ACACA: variants seen among roughly 807,000 people sequenced by gnomAD.
ACACA encodes the protein acetyl-CoA carboxylase 1.
In ACACA, 103 loss-of-function variants were observed where a neutral mutation model predicts 296.1. The ratio of observed to expected loss-of-function variants is 0.35; its 90% CI spans 0.30 to 0.41. The LOEUF (loss-of-function observed/expected upper bound fraction) is 0.41, where lower values mean the gene tolerates loss of function less well. ACACA is among the 10% of genes least tolerant of loss of function. The pLI, the probability that ACACA is intolerant of heterozygous loss-of-function variation, is 1.00. For synonymous variants in ACACA, 953 were observed against 1,038.6 expected (o/e 0.92, Z 1.58); for missense variants, 1,554 against 2,989.7 (o/e 0.52, Z 11.20).
At chr17:37,169,013 A>G (rs986368922) in intron 41 of ACACA, among the ~76,000 whole-genome samples, 1 of 152,216 alleles carries the variant, frequency 6.6e-6, no homozygotes, top group African/African-American at 2.4e-5. Flanking sequence ...CATCTTGAAG[A>G]GGGCTAAAGA....
chr17:37,271,732 G>C (rs1171379562), intron 9 of ACACA, among the ~76,000 whole-genome samples: 1 of 152,026 alleles, frequency 6.6e-6, no homozygotes, highest in Non-Finnish European at 1.5e-5. Context: ...CACTTTGAGA[G>C]GCTGAGGCAG....
At chr17:37,233,145 G>A (rs1272751273) in intron 25 of ACACA, among the ~76,000 whole-genome samples, 2 of 152,174 alleles carry the variant, frequency 1.3e-5, no homozygotes, top group African/African-American at 4.8e-5. Flanking sequence ...AGGGCCCAAC[G>A]CCTCTGCAGC....
chr17:37,177,326 T>C (rs2077157644), intron 41 of ACACA, among the ~76,000 whole-genome samples: 1 of 151,670 alleles, frequency 6.6e-6, no homozygotes, highest in East Asian at 1.9e-4. Context: ...GAGGCCCGTA[T>C]AATAAGACTA....
intron 24 of ACACA, among the ~76,000 whole-genome samples, chr17:37,235,436 A>G (rs533327447): frequency 1.3e-5 from 2 of 152,194 alleles, no homozygotes; most frequent in South Asian, 4.1e-4. Flanking sequence ...AGACTGAAAG[A>G]TTGGGAATAA....
chr17:37,251,757 C>T (rs1211974231), intron 16 of ACACA, among the ~76,000 whole-genome samples: 1 of 152,140 alleles, frequency 6.6e-6, no homozygotes, highest in Non-Finnish European at 1.5e-5. Flanking sequence ...CAGATGGATT[C>T]CAGTTTTTAA....
chr17:37,298,475 A>G (rs1598430549), intron 3 of ACACA, among the ~76,000 whole-genome samples: 1 of 152,066 alleles, frequency 6.6e-6, no homozygotes, highest in Non-Finnish European at 1.5e-5. Context: ...TGAGTATAGG[A>G]GTTTGAGACT....
intron 1 of ACACA, among the ~76,000 whole-genome samples, chr17:37,342,243 A>G (rs1476098918): frequency 2.0e-5 from 3 of 151,030 alleles, no homozygotes; most frequent in East Asian, 3.9e-4. Flanking sequence ...CCCCGCCTCT[A>G]CTAAAACTAC....
Position 37,206,889 on chromosome 17 carries a change from A to G in ACACA, c.3852-10T>C, listed in dbSNP as rs536660022. On this transcript the variant is annotated splice_polypyrimidine_tract_variant and intron_variant, in intron 31 of 55. Coordinates refer to ENST00000616317, the MANE Select transcript of ACACA (RefSeq NM_198834.3). ...CACTTCATCAAAGATCCTAAAAAATACAAGAGAAACACCCACCATGAAAAC... is the reference window on the plus strand; with the variant it reads ...CACTTCATCAAAGATCCTAAAAAATGCAAGAGAAACACCCACCATGAAAAC... 2 of 1,602,358 alleles carry G rather than the reference A, an allele frequency of 1.2e-6. No homozygotes were observed. Among genetic ancestry groups the G allele is most frequent in the African/African-American group, 2.7e-5 (2 of 74,822 alleles).
At chr17:37,160,041 T>G (rs1277039253) in intron 42 of ACACA, among the ~76,000 whole-genome samples, 1 of 152,228 alleles carries the variant, frequency 6.6e-6, no homozygotes, top group Non-Finnish European at 1.5e-5. Flanking sequence ...AAAAGCAGCT[T>G]CAGTGGAATG....
chr17:37,272,119 G>A (rs558623863), intron 9 of ACACA, among the ~76,000 whole-genome samples: 2 of 152,232 alleles, frequency 1.3e-5, no homozygotes, highest in African/African-American at 4.8e-5. Flanking sequence ...CAAAGTGGGT[G>A]GATCACTTGA....
At chr17:37,142,685 G>T (rs1157348020) in intron 45 of ACACA, among the ~76,000 whole-genome samples, 3 of 152,198 alleles carry the variant, frequency 2.0e-5, no homozygotes, top group African/African-American at 4.8e-5. Context: ...ATGAGCTATT[G>T]TATCAACGAG....
intron 3 of ACACA, among the ~76,000 whole-genome samples, chr17:37,317,303 T>C (rs1484423360): frequency 1.3e-5 from 2 of 152,014 alleles, no homozygotes; most frequent in Non-Finnish European, 2.9e-5. Flanking sequence ...TTAAATACTT[T>C]TTGAGGCTGG....
At position 37,311,691 on chromosome 17, in the gene ACACA, A is replaced by G. The variant is rs571574224; in HGVS notation, c.338+18482T>C. 3.3e-5 allele frequency among the ~76,000 whole-genome samples: 5 copies of G among 152,122 alleles called. No individual in the cohort carries two copies. In the South Asian group the frequency reaches 1.0e-3, roughly 32 times the overall value. ...GGCCAAATTACCAGAAGAGAAAAACAATATAGGAGAAAGAACAAGAAAAGC... is the reference window on the plus strand; with the variant it reads ...GGCCAAATTACCAGAAGAGAAAAACGATATAGGAGAAAGAACAAGAAAAGC... On this transcript the variant is annotated intron_variant, in intron 3 of 55. Transcript: ENST00000616317.
At chr17:37,344,786 A>G (rs1431399659) in intron 1 of ACACA, among the ~76,000 whole-genome samples, 1 of 152,170 alleles carries the variant, frequency 6.6e-6, no homozygotes, top group Non-Finnish European at 1.5e-5. Context: ...ATGTTCAGAA[A>G]GTGGAGGTGA....
chr17:37,362,108 A>G (rs572630701), intron 1 of ACACA, among the ~76,000 whole-genome samples: 3 of 152,338 alleles, frequency 2.0e-5, no homozygotes, highest in Middle Eastern at 3.4e-3. Context: ...TAGGGCATGC[A>G]TGGCCATGTA....
intron 1 of ACACA, among the ~76,000 whole-genome samples, chr17:37,348,103 G>A (rs2048715574): frequency 6.6e-6 from 1 of 151,534 alleles, no homozygotes; most frequent in Non-Finnish European, 1.5e-5. Flanking sequence ...AACCCGGGAG[G>A]CAGAGGTTGC....
chr17:37,247,887 A>G, intron 18 of ACACA, 124 bp downstream of exon 18: 1 of 1,023,012 alleles, frequency 9.8e-7, no homozygotes, highest in Non-Finnish European at 1.4e-6. Flanking sequence ...TGCATGTACT[A>G]TTTTTTTTTT....
At chr17:37,135,962 G>GT (rs1296002203) in intron 45 of ACACA, among the ~76,000 whole-genome samples, 3 of 150,672 alleles carry the variant, frequency 2.0e-5, no homozygotes, top group East Asian at 3.9e-4. Context: ...GTCTAGGCTG[G>GT]TATCGAAGAC....
At chr17:37,315,058 A>G (rs2047026698) in intron 3 of ACACA, among the ~76,000 whole-genome samples, 1 of 147,996 alleles carries the variant, frequency 6.8e-6, no homozygotes, top group Non-Finnish European at 1.5e-5. Context: ...TCCCGGGTTC[A>G]AGCCATTCTC....
Sources: gnomAD v4.1 joint callset for allele counts (sites outside exome capture counted in the v4.1 genomes callset) on GRCh38, gnomAD v4.1.1 for gene constraint, MANE v1.5 for transcripts, NCBI Gene and HGNC (gene_info 2026-07-23, HGNC 2026-07-21) for gene names.